GRIN3A: variants seen among roughly 807,000 people sequenced by gnomAD.
The protein encoded by GRIN3A is glutamate ionotropic receptor NMDA type subunit 3A.
A neutral mutation model predicts 92.4 loss-of-function variants in GRIN3A; 47 were observed. The ratio of observed to expected loss-of-function variants is 0.51; its 90% CI spans 0.40 to 0.65. The LOEUF (loss-of-function observed/expected upper bound fraction) is 0.65. Ranked by LOEUF, GRIN3A falls within the 30% of genes least tolerant of loss-of-function variation. The probability of loss-of-function intolerance (pLI) is 0.00; values close to 1 mark genes in which losing one functional copy is unlikely to be tolerated. For missense variants in GRIN3A, 1,324 were observed against 1,393.1 expected (o/e 0.95, Z 0.79); for synonymous variants, 527 against 540.6 (o/e 0.97, Z 0.35).
At chr9:101,644,456 C>T (rs369365066) in intron 3 of GRIN3A, among the ~76,000 whole-genome samples, 5 of 108,778 alleles carry the variant, frequency 4.6e-5, no homozygotes, top group African/African-American at 1.2e-4. Flanking sequence ...TTACATTAGT[C>T]ACTCAAAAAA....
At chr9:101,619,445 A>G (rs890859249) in intron 5 of GRIN3A, among the ~76,000 whole-genome samples, 12 of 152,172 alleles carry the variant, frequency 7.9e-5, no homozygotes, top group African/African-American at 2.9e-4. Flanking sequence ...TAATCAATAT[A>G]CTATATAATA....
At chr9:101,709,534 C>A (rs1829853290) in intron 1 of GRIN3A, among the ~76,000 whole-genome samples, 1 of 152,168 alleles carries the variant, frequency 6.6e-6, no homozygotes, top group South Asian at 2.1e-4. Context: ...CTCAGAAGGA[C>A]CTCTGCATCT....
intron 6 of GRIN3A, among the ~76,000 whole-genome samples, chr9:101,597,356 A>C (rs565885867): frequency 6.6e-6 from 1 of 152,254 alleles, no homozygotes; most frequent in South Asian, 2.1e-4. Context: ...GTACCAAAAG[A>C]AGCACATGCT....
chr9:101,716,219 C>T (rs1319295241), intron 1 of GRIN3A, among the ~76,000 whole-genome samples: 2 of 152,018 alleles, frequency 1.3e-5, no homozygotes, highest in African/African-American at 4.8e-5. Context: ...TTTTTTTAAA[C>T]ACACACATGG....
At chr9:101,730,940 G>A (rs1311700579) in intron 1 of GRIN3A, among the ~76,000 whole-genome samples, 2 of 152,000 alleles carry the variant, frequency 1.3e-5, no homozygotes, top group African/African-American at 4.8e-5. Context: ...TATAATCCCT[G>A]TTAAGATTTT....
intron 6 of GRIN3A, among the ~76,000 whole-genome samples, chr9:101,584,378 C>G (rs772251456): frequency 6.6e-6 from 1 of 152,174 alleles, no homozygotes; most frequent in Non-Finnish European, 1.5e-5. Flanking sequence ...ATTTACTACA[C>G]TGTGAAGAAA....
At chr9:101,596,330 A>G (rs1469311255) in intron 6 of GRIN3A, among the ~76,000 whole-genome samples, 4 of 152,144 alleles carry the variant, frequency 2.6e-5, no homozygotes, top group African/African-American at 9.6e-5. Context: ...TTTCCCAATT[A>G]GACTGTTATA....
At chr9:101,606,175 G>A (rs1828278809) in intron 6 of GRIN3A, among the ~76,000 whole-genome samples, 2 of 152,166 alleles carry the variant, frequency 1.3e-5, no homozygotes, top group Admixed American at 6.5e-5. Flanking sequence ...GTTGGGTTGC[G>A]GCCACTTTTC....
At chr9:101,693,126 C>T (rs1053033381) in intron 1 of GRIN3A, among the ~76,000 whole-genome samples, 2 of 151,744 alleles carry the variant, frequency 1.3e-5, no homozygotes, top group Non-Finnish European at 2.9e-5. Context: ...GAGCTTGGGC[C>T]AGGTGTAGTG....
chr9:101,583,632 G>C (rs972325490), intron 6 of GRIN3A, among the ~76,000 whole-genome samples: 1 of 152,130 alleles, frequency 6.6e-6, no homozygotes, highest in Non-Finnish European at 1.5e-5. Flanking sequence ...AGCTGCAAGT[G>C]ACTTGAGTGG....
At chr9:101,712,291 A>G (rs1485932284) in intron 1 of GRIN3A, among the ~76,000 whole-genome samples, 1 of 152,202 alleles carries the variant, frequency 6.6e-6, no homozygotes, top group Non-Finnish European at 1.5e-5. Context: ...TGGAAAACCT[A>G]GAAAGATCTT....
At chr9:101,620,560 A>AACATTTT in intron 5 of GRIN3A, among the ~76,000 whole-genome samples, 1 of 152,194 alleles carries the variant, frequency 6.6e-6, no homozygotes. Flanking sequence ...AGTACATTTA[A>AACATTTT]ACATTTGGGA....
At position 101,571,542 on chromosome 9, in the gene GRIN3A, T is replaced by C. The variant is rs181021768; in HGVS notation, c.*1632A>G. 6.6e-6 allele frequency: 1 copy of C among 152,232 alleles called. No individual in the cohort carries two copies. The highest frequency in any genetic ancestry group is 2.4e-5 in the African/African-American group (1 of 41,534). 9.4% of individuals were successfully genotyped at this position (152,232 alleles called of 1,614,324 possible). On this transcript the variant is annotated 3_prime_UTR_variant, in exon 9 of 9. Transcript: ENST00000361820. ...AGTCCTGAGAAGATAAATCAAGTAA[T>C]TGATAAATAAGGAAGTCTTGTCCTA...
intron 6 of GRIN3A, among the ~76,000 whole-genome samples, chr9:101,609,400 C>T (rs1169566149): frequency 6.6e-6 from 1 of 152,130 alleles, no homozygotes; most frequent in African/African-American, 2.4e-5. Flanking sequence ...ATTCTTAGAA[C>T]AAAATGGGAT....
At chr9:101,649,114 C>T (rs1828977279) in intron 3 of GRIN3A, among the ~76,000 whole-genome samples, 2 of 151,972 alleles carry the variant, frequency 1.3e-5, no homozygotes. Context: ...TCAAAAGCTG[C>T]CATAAAACTA....
At chr9:101,718,140 C>T (rs1267393897) in intron 1 of GRIN3A, among the ~76,000 whole-genome samples, 1 of 152,128 alleles carries the variant, frequency 6.6e-6, no homozygotes, top group Non-Finnish European at 1.5e-5. Context: ...TTCAGTTTAA[C>T]CAATAGTCAT....
intron 1 of GRIN3A, 30 bp downstream of exon 1, chr9:101,737,251 T>C: frequency 6.3e-7 from 1 of 1,592,428 alleles, no homozygotes. Context: ...GCAGCGCCCA[T>C]CTCCACTCCA....
At chr9:101,602,988 A>G (rs1828231963) in intron 6 of GRIN3A, 1 of 152,216 alleles carries the variant, frequency 6.6e-6, no homozygotes, top group Non-Finnish European at 1.5e-5. Context: ...AGTGCAGTCT[A>G]ATGGTTTGTA....
intron 2 of GRIN3A, among the ~76,000 whole-genome samples, chr9:101,682,483 G>A (rs1019888226): frequency 1.3e-5 from 2 of 152,158 alleles, no homozygotes; most frequent in African/African-American, 4.8e-5. Context: ...ACATCCCATT[G>A]TTTTATAACC....
Sources: allele counts gnomAD v4.1 joint callset (sites outside exome capture counted in the v4.1 genomes callset), GRCh38; gene constraint gnomAD v4.1.1; transcripts MANE v1.5; gene names NCBI Gene and HGNC (gene_info 2026-07-23, HGNC 2026-07-21).